The following OTOGL variants were observed in gnomAD, a reference collection of about 807,000 sequenced individuals.
OTOGL encodes the protein otogelin-like protein.
Under a neutral mutation model 318.5 loss-of-function variants are expected in OTOGL, and 285 were observed. The ratio of observed to expected loss-of-function variants is 0.89; its 90% CI spans 0.81 to 0.99. OTOGL has a LOEUF of 0.99. OTOGL is among the 50% of genes least tolerant of loss of function. The pLI, the probability that OTOGL is intolerant of heterozygous loss-of-function variation, is 0.00. For missense variants in OTOGL, 2,899 were observed against 2,845.6 expected (o/e 1.02, Z -0.43); for synonymous variants, 987 against 936.5 (o/e 1.05, Z -0.99).
intron 1 of OTOGL, among the ~76,000 whole-genome samples, chr12:80,108,375 A>G (rs1261761379): frequency 6.6e-6 from 1 of 152,016 alleles, no homozygotes; most frequent in Non-Finnish European, 1.5e-5. Context: ...AGTGGGTGGA[A>G]TACATTTCTA....
chr12:80,108,418 G>A (rs549711981), intron 1 of OTOGL, among the ~76,000 whole-genome samples: 10 of 152,070 alleles, frequency 6.6e-5, no homozygotes, highest in African/African-American at 2.2e-4. Context: ...ACGATGCTAA[G>A]CACTTGAATC....
At chr12:80,297,064 A>T in intron 27 of OTOGL, 103 bp downstream of exon 27, 1 of 1,107,324 alleles carries the variant, frequency 9.0e-7, no homozygotes, top group Non-Finnish European at 1.2e-6. Context: ...TGGTCATGAG[A>T]TCTATGTTGT....
intron 1 of OTOGL, chr12:80,102,811 A>G (rs1199440936): frequency 3.2e-6 from 2 of 634,558 alleles, no homozygotes; most frequent in East Asian, 2.6e-5. Context: ...TCTCTTACCA[A>G]CTCTTTACTC....
chr12:80,148,618 A>G (rs959578141), intron 1 of OTOGL, among the ~76,000 whole-genome samples: 1 of 151,844 alleles, frequency 6.6e-6, no homozygotes, highest in Non-Finnish European at 1.5e-5. Flanking sequence ...TAGATTGGGG[A>G]AATTCTCCTG....
At chr12:80,257,684 C>A in intron 17 of OTOGL, 141 bp from the exon 18 acceptor site, 2 of 849,940 alleles carry the variant, frequency 2.4e-6, no homozygotes, top group Non-Finnish European at 3.4e-6. Context: ...AAATTTGGCC[C>A]TGAAGCACAG....
intron 1 of OTOGL, among the ~76,000 whole-genome samples, chr12:80,186,566 A>T (rs1875305325): frequency 6.6e-6 from 1 of 152,142 alleles, no homozygotes; most frequent in African/African-American, 2.4e-5. Flanking sequence ...CTGCATTTCA[A>T]ATAAAGAATA....
chr12:80,174,033 A>G (rs965514202), intron 1 of OTOGL, among the ~76,000 whole-genome samples: 70 of 152,246 alleles, frequency 4.6e-4, no homozygotes, highest in African/African-American at 1.6e-3. Context: ...ACAGCAATAG[A>G]TTCCACAACA....
At chr12:80,176,625 A>G (rs1367785823) in intron 1 of OTOGL, among the ~76,000 whole-genome samples, 5 of 152,048 alleles carry the variant, frequency 3.3e-5, no homozygotes, top group East Asian at 1.9e-4. Context: ...ATATACTTCA[A>G]TTTGTTGATC....
chr12:80,208,214 T>C, intron 1 of OTOGL: 1 of 518,106 alleles, frequency 1.9e-6, no homozygotes, highest in Non-Finnish European at 3.9e-6. Flanking sequence ...TGGAAAGGAA[T>C]TATGGTTATC....
intron 11 of OTOGL, among the ~76,000 whole-genome samples, chr12:80,250,128 T>C (rs981853594): frequency 3.3e-5 from 5 of 152,288 alleles, no homozygotes; most frequent in African/African-American, 4.8e-5. Flanking sequence ...CTGTCTTCTG[T>C]GTCGCTCACG....
At chr12:80,332,665 T>C (rs960295025) in intron 37 of OTOGL, among the ~76,000 whole-genome samples, 1 of 152,214 alleles carries the variant, frequency 6.6e-6, no homozygotes, top group Non-Finnish European at 1.5e-5. Flanking sequence ...TGGTTAGTGA[T>C]ACTATTAATA....
chr12:80,162,053 T>C (rs1873548572), intron 1 of OTOGL, among the ~76,000 whole-genome samples: 1 of 152,174 alleles, frequency 6.6e-6, no homozygotes, highest in Non-Finnish European at 1.5e-5. Context: ...ATGCCACAGT[T>C]CCAGAATTAC....
At position 80,296,880 on chromosome 12, in the gene OTOGL, C is replaced by CA. The variant is rs775692427; in HGVS notation, c.2984dup (p.Asn995LysfsTer7). 7.2e-6 allele frequency: 11 copies of CA among 1,530,512 alleles called. No individual in the cohort carries two copies. Among genetic ancestry groups the CA allele is most frequent in the Admixed American group, 2.0e-5 (1 of 51,170 alleles). 94.8% of individuals were successfully genotyped at this position (1,530,512 alleles called of 1,614,324 possible). ...TTGCCCAGAACAAGAAATGCTTTGACAACGATATTGTTTGTTCTAAAAGTG... is the reference window on the plus strand; with the variant it reads ...TTGCCCAGAACAAGAAATGCTTTGACAAACGATATTGTTTGTTCTAAAAGTG... On this transcript the variant is annotated frameshift_variant, in exon 27 of 59. Transcript: ENST00000547103. LOFTEE classifies it high-confidence loss of function.
At chr12:80,307,655 G>A (rs1356199395) in intron 29 of OTOGL, among the ~76,000 whole-genome samples, 1 of 143,952 alleles carries the variant, frequency 6.9e-6, no homozygotes, top group Non-Finnish European at 1.5e-5. Context: ...GGCTGGCCGG[G>A]CAGAGTGGCT....
rs540329303 is a variant in OTOGL at position 80,231,170 on chromosome 12, A to G, written c.612-1722A>G. Reference sequence around the variant, plus strand: ...TGAAATATATTTATAAACAAGATTCACTTCTTTTAAGTATAGTTTTTATAA... The same window carrying G: ...TGAAATATATTTATAAACAAGATTCGCTTCTTTTAAGTATAGTTTTTATAA... On this transcript the variant is annotated intron_variant, in intron 8 of 58. Transcript: ENST00000547103. Among the ~76,000 whole-genome samples the G allele has an allele frequency of 2.6e-5, 4 of 152,328 alleles. No individual in the cohort carries two copies. The East Asian group carries it at 5.8e-4, about 22-fold the overall frequency.
At chr12:80,323,333 C>T (rs1485831903) in intron 34 of OTOGL, among the ~76,000 whole-genome samples, 4 of 152,018 alleles carry the variant, frequency 2.6e-5, no homozygotes, top group African/African-American at 7.2e-5. Context: ...GGGTCAAACC[C>T]TAGGAGGGTT....
intron 7 of OTOGL, among the ~76,000 whole-genome samples, chr12:80,225,313 C>T (rs1221900112): frequency 2.0e-5 from 3 of 151,958 alleles, no homozygotes; most frequent in Non-Finnish European, 4.4e-5. Context: ...CAGTGTCCCA[C>T]TCTTTTGAGG....
At chr12:80,251,389 G>A (rs1205415878) in intron 11 of OTOGL, among the ~76,000 whole-genome samples, 1 of 152,160 alleles carries the variant, frequency 6.6e-6, no homozygotes, top group Non-Finnish European at 1.5e-5. Flanking sequence ...TGGGGAAAAT[G>A]TTATAATTAA....
At chr12:80,164,137 A>G (rs1873696408) in intron 1 of OTOGL, among the ~76,000 whole-genome samples, 1 of 152,186 alleles carries the variant, frequency 6.6e-6, no homozygotes, top group African/African-American at 2.4e-5. Flanking sequence ...TTCTTCACCT[A>G]TAAGCAGAGA....
Sources: gnomAD v4.1 joint callset for allele counts (sites outside exome capture counted in the v4.1 genomes callset) on GRCh38, gnomAD v4.1.1 for gene constraint, MANE v1.5 for transcripts, NCBI Gene and HGNC (gene_info 2026-07-23, HGNC 2026-07-21) for gene names.